The following PIK3CG variants were observed in gnomAD, a reference collection of about 807,000 sequenced individuals.
PIK3CG encodes phosphatidylinositol-4,5-bisphosphate 3-kinase catalytic subunit gamma, also known as phosphatidylinositol 4,5-bisphosphate 3-kinase catalytic subunit gamma isoform.
In PIK3CG, 55 loss-of-function variants were observed where a neutral mutation model predicts 102.3. That is an observed-to-expected ratio of 0.54 (90% CI 0.43 to 0.67). The LOEUF (loss-of-function observed/expected upper bound fraction) is 0.67, where lower values mean the gene tolerates loss of function less well. Among genes scored for constraint, PIK3CG ranks in the 30% least tolerant of loss-of-function variants. PIK3CG has a pLI of 0.00. For missense variants in PIK3CG, 1,258 were observed against 1,391.8 expected, an observed-to-expected ratio of 0.90 and a Z score of 1.53; for synonymous variants, 552 against 540.0, an observed-to-expected ratio of 1.02 and a Z score of -0.31.
chr7:106,891,121 G>T lies in PIK3CG; in HGVS notation c.3030+4829G>T, dbSNP rs1791251890. On this transcript the variant is annotated intron_variant, in intron 10 of 10. Transcript: ENST00000496166. This position sits in a 1 kb window ranked among gnomAD's most constrained non-coding sequence, Gnocchi z 4.4. ...ATGTGTCCTGTGTCCCTCACAAGGG[G>T]CTGAGCCACGGTAAGCACTCAGTAG... is the stretch of plus-strand genomic sequence containing the variant. Among the ~76,000 whole-genome samples the T allele has an allele frequency of 2.0e-5, 3 of 152,236 alleles. No homozygotes were observed. The highest frequency in any genetic ancestry group is 2.0e-4 in the Admixed American group (3 of 15,280).
Position 106,886,269 on chromosome 7 carries a change from A to G in PIK3CG, c.3007A>G (p.Ser1003Gly), listed in dbSNP as rs139918549. The G allele has an allele frequency of 2.6e-4, 417 of 1,614,132 alleles. 3 individuals are homozygous for G. Among genetic ancestry groups the G allele is most frequent in the Middle Eastern group, 1.5e-3 (9 of 6,058 alleles). The change falls in exon 10 of 11, where the codon AGC becomes GGC. Residue 1003 changes from serine (S) to glycine (G), a missense_variant. Ser to Gly is a moderately conservative substitution (Grantham distance 56). Coordinates refer to ENST00000496166, the MANE Select transcript of PIK3CG (RefSeq NM_001282426.2). ...FVMGTSGKKT[S>G]PHFQKFQDIC... ...GATGGGAACTTCTGGAAAGAAGACA[A>G]GCCCACACTTCCAGAAATTTCAGGT...
chr7:106,885,018 G>C (rs1402174131), intron 9 of PIK3CG, among the ~76,000 whole-genome samples: 1 of 152,172 alleles, frequency 6.6e-6, no homozygotes, highest in African/African-American at 2.4e-5. Context: ...TCTGACAGGA[G>C]GTGGAGCTCA....
At position 106,894,205 on chromosome 7, in the gene PIK3CG, C is replaced by A. The variant is rs964321431; in HGVS notation, c.3030+7913C>A. Among the ~76,000 whole-genome samples, 1 of 152,060 alleles carries A rather than the reference C, an allele frequency of 6.6e-6. No homozygotes were observed. The highest frequency in any genetic ancestry group is 1.9e-4 in the East Asian group (1 of 5,196). The stretch of plus-strand genomic sequence containing the variant: ...TTTGACTTTTGTATCTCCAAATAGT[C>A]CACCTTAAATCCTTTTTGGAACAAG... On this transcript the variant is annotated intron_variant, in intron 10 of 10. Transcript: ENST00000496166. The surrounding 1 kb of genome is among the most constrained non-coding windows in gnomAD (Gnocchi z 4.4).
intron 10 of PIK3CG, among the ~76,000 whole-genome samples, chr7:106,901,366 T>C (rs1027705576): frequency 6.6e-6 from 1 of 152,230 alleles, no homozygotes; most frequent in Non-Finnish European, 1.5e-5. Context: ...ATACTTGTGA[T>C]TAAATTGTGA....
chr7:106,872,614 C>G lies in PIK3CG; in HGVS notation c.2061+12C>G, dbSNP rs1167745853. ...AGCGTGGTTTAAGAGTAAGTACTTC[C>G]ATTTTGATAATAGCGTGAAATTTTA... is the stretch of plus-strand genomic sequence containing the variant. On this transcript the variant is annotated intron_variant, in intron 3 of 10. Transcript: ENST00000496166. This position sits in a 1 kb window ranked among gnomAD's most constrained non-coding sequence, Gnocchi z 5.3. 3.7e-6 allele frequency: 6 copies of G among 1,611,234 alleles called. No homozygotes were observed. The South Asian group carries it at 6.6e-5, about 18-fold the overall frequency.
At position 106,906,624 on chromosome 7, in the gene PIK3CG, G is replaced by A. The variant is rs771475481; in HGVS notation, c.*1237G>A. The A allele has an allele frequency of 1.3e-5, 3 of 227,882 alleles. No homozygotes were observed. The highest frequency in any genetic ancestry group is 2.2e-5 in the African/African-American group (1 of 44,910). The allele number at this position is 227,882 out of a possible 1,614,324, so 14.1% of individuals were successfully genotyped here. On this transcript the variant is annotated 3_prime_UTR_variant, in exon 11 of 11. Coordinates refer to ENST00000496166, the MANE Select transcript of PIK3CG (RefSeq NM_001282426.2). ...AATATTTTCATCTCTGAAATATCTC[G>A]TTATTTATTGGAGGTATTGTTTAAC...
At chr7:106,875,510 C>T (rs1467429851) in intron 5 of PIK3CG, among the ~76,000 whole-genome samples, 1 of 152,104 alleles carries the variant, frequency 6.6e-6, no homozygotes, top group Non-Finnish European at 1.5e-5. Flanking sequence ...TTTTCTCCTC[C>T]CATTCTCTGT....
intron 10 of PIK3CG, among the ~76,000 whole-genome samples, chr7:106,898,776 C>A (rs1448210226): frequency 2.0e-5 from 3 of 152,080 alleles, no homozygotes; most frequent in African/African-American, 4.8e-5. Context: ...GTTTTTGTAG[C>A]CTTGTAATAT....
In PIK3CG at chr7:106,884,270, A is replaced by G. The variant is rs904354771; in HGVS notation, c.2872+4A>G. 7.7e-6 allele frequency: 12 copies of G among 1,560,606 alleles called. No homozygotes were observed. The African/African-American group carries it at 1.2e-4, about 16-fold the overall frequency. On this transcript the variant is annotated splice_donor_region_variant and intron_variant, in intron 9 of 10. Coordinates refer to ENST00000496166, the MANE Select transcript of PIK3CG (RefSeq NM_001282426.2). This position sits in a 1 kb window ranked among gnomAD's most constrained non-coding sequence, Gnocchi z 4.2. Reference sequence around the variant, plus strand: ...AATATTATGATCACCGAGACAGGTGAGTTTATTTAGTGCAGAATAAACTTT... The same window carrying G: ...AATATTATGATCACCGAGACAGGTGGGTTTATTTAGTGCAGAATAAACTTT...
At chr7:106,896,679 C>G (rs1235596048) in intron 10 of PIK3CG, among the ~76,000 whole-genome samples, 1 of 152,172 alleles carries the variant, frequency 6.6e-6, no homozygotes, top group African/African-American at 2.4e-5. Context: ...CCACACAAGT[C>G]TCCCGCTTCT....
At position 106,883,012 on chromosome 7, in the gene PIK3CG, ACT is replaced by A; in HGVS notation, c.2630-18_2630-17del. The stretch of plus-strand genomic sequence containing the variant: ...GGTACTGGCCCCCAATCTCCATCAG[ACT>A]CTGTGCATCCTTCTGTAGGAATGAT... On this transcript the variant is annotated intron_variant, in intron 7 of 10. Coordinates refer to ENST00000496166, the MANE Select transcript of PIK3CG (RefSeq NM_001282426.2). The surrounding 1 kb of genome is among the most constrained non-coding windows in gnomAD (Gnocchi z 5.8). 6.2e-7 allele frequency: 1 copy of A among 1,613,100 alleles called. No individual in the cohort carries two copies. Among genetic ancestry groups the A allele is most frequent in the Non-Finnish European group, 8.5e-7 (1 of 1,179,606 alleles).
chr7:106,878,107 A>G (rs1204047285), intron 5 of PIK3CG, among the ~76,000 whole-genome samples: 1 of 152,134 alleles, frequency 6.6e-6, no homozygotes, highest in East Asian at 1.9e-4. Context: ...TGTTTATCTG[A>G]AACACTTTTT....
intron 10 of PIK3CG, among the ~76,000 whole-genome samples, chr7:106,887,569 G>A (rs1450428784): frequency 2.0e-5 from 3 of 152,104 alleles, no homozygotes; most frequent in Non-Finnish European, 4.4e-5. Flanking sequence ...CAGTTCCAGT[G>A]GTGTTGTCAG....
chr7:106,878,924 A>G (rs920605097), intron 5 of PIK3CG, among the ~76,000 whole-genome samples: 2 of 152,108 alleles, frequency 1.3e-5, no homozygotes, highest in Admixed American at 6.5e-5. Flanking sequence ...TGCCTGAAAC[A>G]CCTACCTTTT....
intron 7 of PIK3CG, 37 bp downstream of exon 7, chr7:106,882,244 G>A (rs781110087): frequency 3.0e-6 from 3 of 984,764 alleles, no homozygotes; most frequent in Non-Finnish European, 4.5e-6. Context: ...AGACCTCTCA[G>A]CTCGTTTGAA....
At chr7:106,886,398 TCTACCC>T (rs1206242703) in intron 10 of PIK3CG, 106 bp downstream of exon 10, 31 of 1,103,846 alleles carry the variant, frequency 2.8e-5, no homozygotes, top group Non-Finnish European at 4.1e-5. Context: ...CAGTCCAGCC[TCTACCC>T]CTACCCTCTT....
chr7:106,868,355 A>C lies in PIK3CG; in HGVS notation c.794A>C (p.Gln265Pro), dbSNP rs769749487. ...TCTCTGATGGATATTCCCGAAAGCC[A>C]AAGCGAACAGGATTTTGTGCTGCGC... ...KKSLMDIPES[Q>P]SEQDFVLRVC... Residue 265 changes from glutamine to proline, a missense_variant, in exon 2 of 11, where the codon CAA becomes CCA. Gln to Pro is a moderately conservative substitution (Grantham distance 76). Coordinates refer to ENST00000496166, the MANE Select transcript of PIK3CG (RefSeq NM_001282426.2). This position sits in a 1 kb window ranked among gnomAD's most constrained non-coding sequence, Gnocchi z 6.2. 1.1e-5 allele frequency: 17 copies of C among 1,614,120 alleles called. No individual in the cohort carries two copies. Among genetic ancestry groups the C allele is most frequent in the Non-Finnish European group, 1.4e-5 (17 of 1,180,046 alleles).
Position 106,907,764 on chromosome 7 carries a change from T to TAA in PIK3CG, c.*2378_*2379dup, listed in dbSNP as rs137961342. 2.1e-5 allele frequency among the ~76,000 whole-genome samples: 3 copies of TAA among 145,948 alleles called. No homozygotes were observed. Among genetic ancestry groups the TAA allele is most frequent in the Non-Finnish European group, 4.5e-5 (3 of 66,804 alleles). On this transcript the variant is annotated 3_prime_UTR_variant, in exon 11 of 11. Coordinates refer to ENST00000496166, the MANE Select transcript of PIK3CG (RefSeq NM_001282426.2). ...TAACATATATATGCTAATATATATATAACATATATATGCTAATATATATAT... is the reference window on the plus strand; with the variant it reads ...TAACATATATATGCTAATATATATATAAAACATATATATGCTAATATATATAT...
rs1289428829 is a variant in PIK3CG, at chr7:106,874,822, T to G, written c.2391+19T>G. ...GCTGGCAGTAGGTATCACTTGGATGTCTCCATGTGGTCTTTATGTCTTGAA... is the reference window on the plus strand; with the variant it reads ...GCTGGCAGTAGGTATCACTTGGATGGCTCCATGTGGTCTTTATGTCTTGAA... On this transcript the variant is annotated intron_variant, in intron 5 of 10. Transcript: ENST00000496166. The surrounding 1 kb of genome is among the most constrained non-coding windows in gnomAD (Gnocchi z 4.3). The G allele has an allele frequency of 6.8e-7, 1 of 1,476,204 alleles. No homozygotes were observed. The highest frequency in any genetic ancestry group is 9.5e-7 in the Non-Finnish European group (1 of 1,055,020). 91.4% of individuals were successfully genotyped at this position (1,476,204 alleles called of 1,614,324 possible). A position where few individuals can be genotyped will look rare whatever the true frequency, so the allele number is the denominator to read the frequency against.
Sources: allele counts gnomAD v4.1 joint callset (sites outside exome capture counted in the v4.1 genomes callset), GRCh38; gene constraint gnomAD v4.1.1; non-coding constraint Gnocchi (gnomAD v3.1); transcripts MANE v1.5; gene names NCBI Gene and HGNC (gene_info 2026-07-23, HGNC 2026-07-21).